Variants in ANO3 observed in about 807,000 individuals in gnomAD.
The protein encoded by ANO3 is anoctamin 3, also known as anoctamin-3.
ANO3 carries 99 observed loss-of-function variants against 144.8 expected under a neutral mutation model. The observed-to-expected ratio is 0.68, with a 90% CI of 0.58 to 0.81. The LOEUF is 0.81. ANO3 is among the 30% of genes least tolerant of loss of function. The pLI, the probability that ANO3 is intolerant of heterozygous loss-of-function variation, is 0.00. For missense variants in ANO3, 905 were observed against 1,202.2 expected (o/e 0.75, Z 3.66); for synonymous variants, 414 against 392.6 (o/e 1.05, Z -0.64).
At chr11:26,280,922 A>G (rs1270658928) in intron 1 of ANO3, among the ~76,000 whole-genome samples, 1 of 152,146 alleles carries the variant, frequency 6.6e-6, no homozygotes, top group East Asian at 1.9e-4. Flanking sequence ...CTGGACATAC[A>G]TGCTCCTGGG....
At chr11:26,250,689 A>C (rs925438372) in intron 1 of ANO3, among the ~76,000 whole-genome samples, 3 of 152,192 alleles carry the variant, frequency 2.0e-5, no homozygotes, top group Non-Finnish European at 4.4e-5. Flanking sequence ...TGGGCATTTC[A>C]CTTAACTTAT....
At chr11:26,397,055 G>A (rs67039605) in intron 1 of ANO3, among the ~76,000 whole-genome samples, 40,139 of 151,132 alleles carry the variant, frequency 0.27, 6,089 homozygotes, top group African/African-American at 0.41. Context: ...AGAAGGCTGT[G>A]AAACAGAACC....
At chr11:26,658,915 G>C (rs527555712) in intron 26 of ANO3, among the ~76,000 whole-genome samples, 1 of 152,072 alleles carries the variant, frequency 6.6e-6, no homozygotes. Flanking sequence ...CATTAGGAAT[G>C]TATTATTTTC....
intron 23 of ANO3, 110 bp downstream of exon 23, chr11:26,643,444 AT>A (rs1403271458): frequency 7.4e-7 from 1 of 1,342,420 alleles, no homozygotes; most frequent in African/African-American, 1.5e-5. Flanking sequence ...GTGTCATAGT[AT>A]TAAGAGGCCT....
intron 1 of ANO3, among the ~76,000 whole-genome samples, chr11:26,367,395 C>T (rs910837666): frequency 2.6e-5 from 4 of 152,148 alleles, no homozygotes; most frequent in African/African-American, 9.7e-5. Flanking sequence ...CAGTAAGTTC[C>T]TCTTTCCATC....
At chr11:26,505,905 A>G (rs1326117086) in intron 4 of ANO3, among the ~76,000 whole-genome samples, 2 of 147,902 alleles carry the variant, frequency 1.4e-5, no homozygotes, top group Non-Finnish European at 3.0e-5. Flanking sequence ...AGGCAGGAGA[A>G]TGGCGTGAAT....
chr11:26,336,946 G>A (rs1371289293), intron 1 of ANO3, among the ~76,000 whole-genome samples: 2 of 152,084 alleles, frequency 1.3e-5, no homozygotes, highest in Admixed American at 6.6e-5. Context: ...TTCTTAGGCT[G>A]GTACTGAATA....
At position 26,634,252 on chromosome 11, in the gene ANO3, T is replaced by TG; in HGVS notation, c.1923dup (p.Phe642ValfsTer31). On this transcript the variant is annotated frameshift_variant, in exon 19 of 27. Coordinates refer to ENST00000256737, the MANE Select transcript of ANO3 (RefSeq NM_031418.4). LOFTEE classifies it high-confidence loss of function. ...TGGGAAAACAGCTTCGCCCTGAAGA[T>TG]GTTCCTCTTCCAGTTTGTCAATTTA... 1 of 1,614,040 alleles carries TG rather than the reference T, an allele frequency of 6.2e-7. No homozygotes were observed. The highest frequency in any genetic ancestry group is 8.5e-7 in the Non-Finnish European group (1 of 1,179,964).
At chr11:26,423,487 ATAAT>A (rs939121036) in intron 1 of ANO3, among the ~76,000 whole-genome samples, 3 of 151,792 alleles carry the variant, frequency 2.0e-5, no homozygotes, top group African/African-American at 7.2e-5. Context: ...AAAATAATTG[ATAAT>A]TATTTTGTGT....
chr11:26,469,579 G>A (rs935579556), intron 4 of ANO3, among the ~76,000 whole-genome samples: 1 of 151,690 alleles, frequency 6.6e-6, no homozygotes, highest in Non-Finnish European at 1.5e-5. Context: ...TTTTTCTAAT[G>A]ACAGAATAGA....
chr11:26,375,402 C>G (rs1856377472), intron 1 of ANO3, among the ~76,000 whole-genome samples: 1 of 152,130 alleles, frequency 6.6e-6, no homozygotes, highest in Admixed American at 6.5e-5. Flanking sequence ...ATAAGGAACT[C>G]TTTCCACTGG....
chr11:26,456,267 T>G (rs1319462980), intron 3 of ANO3, among the ~76,000 whole-genome samples: 1 of 152,096 alleles, frequency 6.6e-6, no homozygotes, highest in African/African-American at 2.4e-5. Flanking sequence ...CAAAAGAAAC[T>G]ACCATCAGAG....
intron 3 of ANO3, among the ~76,000 whole-genome samples, chr11:26,451,294 C>G (rs958442340): frequency 6.6e-6 from 1 of 152,170 alleles, no homozygotes; most frequent in Non-Finnish European, 1.5e-5. Flanking sequence ...TTGCCTCACT[C>G]GGGAAGCGCA....
At chr11:26,241,554 T>C (rs1852664870) in intron 1 of ANO3, among the ~76,000 whole-genome samples, 1 of 152,196 alleles carries the variant, frequency 6.6e-6, no homozygotes, top group Non-Finnish European at 1.5e-5. Context: ...ATCTGACACA[T>C]TTCTGCCTTT....
At chr11:26,598,270 T>C (rs1851695998) in intron 14 of ANO3, 95 bp from the exon 15 acceptor site, 3 of 541,852 alleles carry the variant, frequency 5.5e-6, no homozygotes, top group Admixed American at 3.9e-5. Flanking sequence ...ATTTTCATAA[T>C]TTAATTTTAA....
chr11:26,455,755 C>T (rs903500760), intron 3 of ANO3, among the ~76,000 whole-genome samples: 9 of 150,570 alleles, frequency 6.0e-5, no homozygotes, highest in Non-Finnish European at 8.9e-5. Flanking sequence ...AAAAAGAGCC[C>T]GCATCGCCAA....
At chr11:26,340,867 C>G (rs962101446) in intron 1 of ANO3, among the ~76,000 whole-genome samples, 6 of 152,128 alleles carry the variant, frequency 3.9e-5, no homozygotes, top group African/African-American at 1.4e-4. Flanking sequence ...ATTCTATGCT[C>G]TTTAACTTCT....
rs181977146 is a variant in ANO3, at chr11:26,478,397, T to C, written c.432+15249T>C. On this transcript the variant is annotated intron_variant, in intron 4 of 26. Coordinates refer to ENST00000256737, the MANE Select transcript of ANO3 (RefSeq NM_031418.4). ...TCAAAGAGATAAGAGACTTTACATA[T>C]TGATGTAGAGATATATGGTGGATTT... Among the ~76,000 whole-genome samples, 19 of 152,268 alleles carry C rather than the reference T, an allele frequency of 1.2e-4. No homozygotes were observed. In the East Asian group the frequency reaches 3.5e-3, roughly 28 times the overall value.
chr11:26,330,388 G>T (rs941933288), upstream of ANO3, among the ~76,000 whole-genome samples: 1 of 152,094 alleles, frequency 6.6e-6, no homozygotes. Context: ...CTGTGTTTTA[G>T]ATCTTCATTT....
Sources: allele counts gnomAD v4.1 joint callset (sites outside exome capture counted in the v4.1 genomes callset), GRCh38; gene constraint gnomAD v4.1.1; transcripts MANE v1.5; gene names NCBI Gene and HGNC (gene_info 2026-07-23, HGNC 2026-07-21).